WDR47: variants seen among roughly 807,000 people sequenced by gnomAD.
The protein encoded by WDR47 is WD repeat-containing protein 47.
A neutral mutation model predicts 97.2 loss-of-function variants in WDR47; 32 were observed. That is an observed-to-expected ratio of 0.33 (90% CI 0.25 to 0.44). WDR47 has a LOEUF of 0.44. WDR47 is among the 20% of genes least tolerant of loss of function. WDR47 has a pLI of 1.00. For missense variants in WDR47, 782 were observed against 1,102.3 expected (o/e 0.71, Z 4.11); for synonymous variants, 375 against 373.5 (o/e 1.00, Z -0.05).
intron 5 of WDR47, among the ~76,000 whole-genome samples, chr1:109,008,805 A>G (rs1307234155): frequency 3.3e-5 from 5 of 151,624 alleles, no homozygotes; most frequent in African/African-American, 1.2e-4. Flanking sequence ...ACAGGGTTTC[A>G]TCATGTTGGA....
chr1:108,973,006 C>G (rs899440582), intron 14 of WDR47, among the ~76,000 whole-genome samples: 1 of 150,660 alleles, frequency 6.6e-6, no homozygotes, highest in African/African-American at 2.4e-5. Flanking sequence ...CTGTGTCTCT[C>G]TCTCTTAGTT....
intron 5 of WDR47, among the ~76,000 whole-genome samples, chr1:109,007,214 G>A (rs1660690624): frequency 7.6e-6 from 1 of 131,834 alleles, no homozygotes; most frequent in South Asian, 2.4e-4. Context: ...CATTTTAAAT[G>A]TATACTCAAA....
chr1:108,979,377 G>C (rs1032741277), intron 13 of WDR47, among the ~76,000 whole-genome samples: 3 of 152,130 alleles, frequency 2.0e-5, no homozygotes, highest in African/African-American at 7.2e-5. Flanking sequence ...AAGATGCAGA[G>C]GGGCTGGGCA....
chr1:109,008,813 G>C (rs1279269902), intron 5 of WDR47, among the ~76,000 whole-genome samples: 6 of 151,236 alleles, frequency 4.0e-5, no homozygotes, highest in Non-Finnish European at 7.4e-5. Context: ...TCATCATGTT[G>C]GACAGGTTAG....
chr1:108,971,879 C>T (rs749694698), intron 14 of WDR47, among the ~76,000 whole-genome samples: 6 of 152,096 alleles, frequency 3.9e-5, no homozygotes, highest in South Asian at 2.1e-4. Flanking sequence ...TTCTTCTTGA[C>T]GTAAAGCTTG....
chr1:108,992,793 C>T, intron 8 of WDR47: 3 of 1,595,854 alleles, frequency 1.9e-6, no homozygotes, highest in Non-Finnish European at 1.7e-6. Flanking sequence ...AAAAGGATAT[C>T]CCAGAAGAAA....
chr1:109,007,414 G>A (rs1387786527), intron 5 of WDR47, among the ~76,000 whole-genome samples: 2 of 152,126 alleles, frequency 1.3e-5, no homozygotes, highest in Middle Eastern at 3.4e-3. Flanking sequence ...TCCCACCTCA[G>A]CCTCCCAAAG....
intron 1 of WDR47, among the ~76,000 whole-genome samples, chr1:109,036,591 C>A (rs1340937095): frequency 6.7e-6 from 1 of 148,292 alleles, no homozygotes; most frequent in Non-Finnish European, 1.5e-5. Context: ...AATCTCACCA[C>A]TTTGGAAGGC....
intron 1 of WDR47, among the ~76,000 whole-genome samples, chr1:109,027,769 G>A (rs977668500): frequency 1.3e-5 from 2 of 151,134 alleles, no homozygotes; most frequent in Non-Finnish European, 3.0e-5. Context: ...TGATCCACCC[G>A]CCTCAGCCTC....
intron 13 of WDR47, among the ~76,000 whole-genome samples, chr1:108,975,553 G>A (rs1483066136): frequency 2.0e-5 from 3 of 151,536 alleles, no homozygotes; most frequent in Admixed American, 6.6e-5. Flanking sequence ...CCTGGGAGGC[G>A]GAGGTTGCAG....
At chr1:108,997,262 A>C (rs1295408392) in intron 7 of WDR47, among the ~76,000 whole-genome samples, 8 of 139,430 alleles carry the variant, frequency 5.7e-5, no homozygotes, top group East Asian at 2.1e-4. Flanking sequence ...CGTCTCTCCC[A>C]AAAAAAAAAA....
chr1:109,003,749 C>CCT (rs974289723), intron 6 of WDR47, among the ~76,000 whole-genome samples: 3 of 152,136 alleles, frequency 2.0e-5, no homozygotes, highest in Admixed American at 6.6e-5. Context: ...AGGTGATCCA[C>CCT]CTGTCTTGGC....
At chr1:109,001,036 CGTA>C (rs958506830) in intron 7 of WDR47, among the ~76,000 whole-genome samples, 26 of 151,530 alleles carry the variant, frequency 1.7e-4, no homozygotes, top group African/African-American at 6.1e-4. Flanking sequence ...GGCTCACACC[CGTA>C]ATCCCAGCAC....
At chr1:108,996,915 A>G (rs1659791798) in intron 7 of WDR47, among the ~76,000 whole-genome samples, 1 of 152,050 alleles carries the variant, frequency 6.6e-6, no homozygotes. Flanking sequence ...GTCAGGTTCG[A>G]GACCAGCCTG....
chr1:108,992,187 GA>G lies in WDR47; in HGVS notation c.1692-859del, dbSNP rs1225672613. The stretch of plus-strand genomic sequence containing the variant: ...AGAGCAAGATCTATTTTTTAAAAAG[GA>G]AAAGAAATTAGATAATAAGAAAGAC... On this transcript the variant is annotated intron_variant, in intron 8 of 14. Transcript: ENST00000369962. The G allele has an allele frequency of 1.7e-5, 12 of 706,128 alleles. No homozygotes were observed. In the Admixed American group the frequency reaches 2.8e-4, roughly 17 times the overall value. 43.7% of individuals were successfully genotyped at this position (706,128 alleles called of 1,614,324 possible).
intron 7 of WDR47, 56 bp downstream of exon 7, chr1:109,002,168 T>G (rs1660258471): frequency 6.8e-7 from 1 of 1,462,096 alleles, no homozygotes; most frequent in African/African-American, 1.4e-5. Flanking sequence ...AGTTATTGCA[T>G]GTTTTAAATA....
intron 11 of WDR47, 105 bp downstream of exon 11, chr1:108,983,177 G>C: frequency 5.2e-6 from 6 of 1,147,580 alleles, no homozygotes; most frequent in Non-Finnish European, 6.9e-6. Flanking sequence ...TATTCTTTAA[G>C]ATTATATTCT....
intron 11 of WDR47, 65 bp downstream of exon 11, chr1:108,983,217 C>T: frequency 1.4e-6 from 2 of 1,392,818 alleles, no homozygotes; most frequent in Non-Finnish European, 1.9e-6. Context: ...TACAGAAATA[C>T]AACATGGAGA....
chr1:109,031,795 CT>C (rs56318868), intron 1 of WDR47, among the ~76,000 whole-genome samples: 53,932 of 78,350 alleles, frequency 0.69, 21,622 homozygotes, highest in East Asian at 0.97. Context: ...ATCTTTCTTT[CT>C]TTTTTTTTTT....
Sources: gnomAD v4.1 joint callset for allele counts (sites outside exome capture counted in the v4.1 genomes callset) on GRCh38, gnomAD v4.1.1 for gene constraint, MANE v1.5 for transcripts, NCBI Gene and HGNC (gene_info 2026-07-23, HGNC 2026-07-21) for gene names.